The following PIWIL3 variants were observed in gnomAD, a reference collection of about 807,000 sequenced individuals.
PIWIL3 encodes the protein piwi like RNA-mediated gene silencing 3, also known as piwi-like protein 3.
A neutral mutation model predicts 109.7 loss-of-function variants in PIWIL3; 101 were observed. That is an observed-to-expected ratio of 0.92 (90% CI 0.78 to 1.09). PIWIL3 has a LOEUF of 1.09. PIWIL3 is among the 50% of genes least tolerant of loss of function. The pLI, the probability that PIWIL3 is intolerant of heterozygous loss-of-function variation, is 0.00. For synonymous variants in PIWIL3, 373 were observed against 376.4 expected (o/e 0.99, Z 0.10); for missense variants, 1,031 against 1,072.6 (o/e 0.96, Z 0.54).
chr22:24,739,817 G>A (rs891296743), intron 12 of PIWIL3, among the ~76,000 whole-genome samples: 6 of 152,090 alleles, frequency 3.9e-5, no homozygotes, highest in Admixed American at 1.3e-4. Context: ...TTGAGAGGCC[G>A]AGGCGGGAGG....
At chr22:24,727,867 T>C in intron 16 of PIWIL3, 83 bp downstream of exon 16, 1 of 1,110,722 alleles carries the variant, frequency 9.0e-7, no homozygotes, top group Non-Finnish European at 1.3e-6. Context: ...ACCTCTTGAG[T>C]TAACACATAT....
chr22:24,764,506 C>T (rs11913769), intron 1 of PIWIL3, among the ~76,000 whole-genome samples: 2,943 of 152,124 alleles, frequency 0.019, 95 homozygotes, highest in African/African-American at 0.067. Flanking sequence ...GAGGTGGATC[C>T]GCTGTCATGG....
In PIWIL3 at chr22:24,750,969, C is replaced by T. The variant is rs571044780; in HGVS notation, c.1089+418G>A. 2.0e-5 allele frequency among the ~76,000 whole-genome samples: 3 copies of T among 151,508 alleles called. No individual in the cohort carries two copies. In the South Asian group the frequency reaches 6.3e-4, roughly 32 times the overall value. ...TGAAACCCCGTCTCTACTAAAAATA[C>T]AAAAATTAGCCAGGCGTGGTGGCAG... On this transcript the variant is annotated intron_variant, in intron 9 of 20. Coordinates refer to ENST00000616349, the MANE Select transcript of PIWIL3 (RefSeq NM_001255975.1).
intron 14 of PIWIL3, among the ~76,000 whole-genome samples, chr22:24,731,313 C>A (rs1923333868): frequency 6.6e-6 from 1 of 152,164 alleles, no homozygotes; most frequent in Non-Finnish European, 1.5e-5. Flanking sequence ...TACTGAGTCT[C>A]CAGAAGAAGG....
At chr22:24,754,294 C>T (rs536397801) in intron 7 of PIWIL3, 77 bp from the exon 8 acceptor site, 2 of 1,273,564 alleles carry the variant, frequency 1.6e-6, no homozygotes, top group African/African-American at 3.0e-5. Flanking sequence ...AGCTCTGGGT[C>T]TAAAAATTGG....
rs6004272 is a variant in PIWIL3, at chr22:24,767,153, A to G, written c.-22-4632T>C. Among the ~76,000 whole-genome samples, 1,363 of 151,966 alleles carry G rather than the reference A, an allele frequency of 9.0e-3. 15 individuals carry two copies. The highest frequency in any genetic ancestry group is 0.03 in the African/African-American group (1,249 of 41,432). On this transcript the variant is annotated intron_variant, in intron 1 of 20. Transcript: ENST00000616349. ...GAGACTCTGTCTCAAAAAATTCTGC[A>G]CTGTCTATGGTGCAGCAGTAACTAT...
intron 1 of PIWIL3, among the ~76,000 whole-genome samples, chr22:24,764,198 G>A (rs1925644647): frequency 6.6e-6 from 1 of 152,226 alleles, no homozygotes; most frequent in Non-Finnish European, 1.5e-5. Context: ...CCGTCCGGCC[G>A]AAAGAGGCCA....
chr22:24,739,597 T>C (rs1923859578), intron 12 of PIWIL3, among the ~76,000 whole-genome samples: 1 of 151,812 alleles, frequency 6.6e-6, no homozygotes, highest in South Asian at 2.1e-4. Flanking sequence ...AGTAAAAATA[T>C]CCTTCAAACA....
At chr22:24,728,143 G>A (rs758846451) in intron 15 of PIWIL3, 34 bp downstream of exon 15, 1 of 1,609,916 alleles carries the variant, frequency 6.2e-7, no homozygotes, top group Non-Finnish European at 8.5e-7. Context: ...TTTATTAGAA[G>A]TAAGTTAAAC....
At chr22:24,745,717 GA>G (rs71189273) in intron 12 of PIWIL3, among the ~76,000 whole-genome samples, 1,743 of 80,264 alleles carry the variant, frequency 0.022, 17 homozygotes, top group Admixed American at 0.042. Flanking sequence ...GTCAGACTAA[GA>G]AAAAAAAAAA....
chr22:24,749,544 C>T (rs112808890), intron 10 of PIWIL3, 23 bp from the exon 11 acceptor site: 2 of 1,612,394 alleles, frequency 1.2e-6, no homozygotes, highest in Non-Finnish European at 1.7e-6. Flanking sequence ...CCAAAAGATA[C>T]AGCTGAACAA....
intron 1 of PIWIL3, among the ~76,000 whole-genome samples, chr22:24,770,861 A>AAAAG (rs995253217): frequency 6.6e-6 from 1 of 151,578 alleles, no homozygotes; most frequent in Non-Finnish European, 1.5e-5. Flanking sequence ...TAAATAAATA[A>AAAAG]AAAGAAAGAA....
chr22:24,736,983 C>A (rs1923694034), intron 12 of PIWIL3, among the ~76,000 whole-genome samples: 1 of 152,158 alleles, frequency 6.6e-6, no homozygotes, highest in Admixed American at 6.5e-5. Context: ...CCTAAGTGAA[C>A]CTGAGAAACA....
chr22:24,753,599 A>C (rs1189936827), intron 8 of PIWIL3, among the ~76,000 whole-genome samples: 1 of 152,202 alleles, frequency 6.6e-6, no homozygotes, highest in African/African-American at 2.4e-5. Flanking sequence ...TTGGCTAAGT[A>C]ACTGGTTCTT....
At chr22:24,750,900 G>T (rs1442442935) in intron 9 of PIWIL3, among the ~76,000 whole-genome samples, 1 of 151,114 alleles carries the variant, frequency 6.6e-6, no homozygotes, top group African/African-American at 2.4e-5. Context: ...AAGGCAGGCG[G>T]ATCACCTGAG....
At chr22:24,736,098 C>T (rs1016200890) in intron 12 of PIWIL3, among the ~76,000 whole-genome samples, 1 of 152,054 alleles carries the variant, frequency 6.6e-6, no homozygotes, top group African/African-American at 2.4e-5. Flanking sequence ...AATTGAGAGG[C>T]CATTGCAGGG....
intron 1 of PIWIL3, among the ~76,000 whole-genome samples, chr22:24,766,187 A>G (rs1925776285): frequency 6.6e-6 from 1 of 151,954 alleles, no homozygotes; most frequent in Non-Finnish European, 1.5e-5. Context: ...GGGTTTCACC[A>G]TGTTGCCTGG....
chr22:24,747,500 AAGT>A (rs1924443746), intron 12 of PIWIL3, among the ~76,000 whole-genome samples: 1 of 152,202 alleles, frequency 6.6e-6, no homozygotes, highest in African/African-American at 2.4e-5. Flanking sequence ...AAAGGAAACA[AAGT>A]AGAGCAACAA....
At chr22:24,731,460 G>A (rs1198700377) in intron 14 of PIWIL3, among the ~76,000 whole-genome samples, 5 of 151,930 alleles carry the variant, frequency 3.3e-5, no homozygotes, top group East Asian at 1.9e-4. Context: ...AGACCATCCC[G>A]GCTAACACAG....
Sources: gnomAD v4.1 joint callset for allele counts (sites outside exome capture counted in the v4.1 genomes callset) on GRCh38, gnomAD v4.1.1 for gene constraint, MANE v1.5 for transcripts, NCBI Gene and HGNC (gene_info 2026-07-23, HGNC 2026-07-21) for gene names.